SMARCC1: variants seen among roughly 807,000 people sequenced by gnomAD.
The protein encoded by SMARCC1 is SWI/SNF complex subunit SMARCC1.
In SMARCC1, 43 loss-of-function variants were observed where a neutral mutation model predicts 147.4. That is an observed-to-expected ratio of 0.29 (90% confidence interval 0.23 to 0.38). SMARCC1 has a LOEUF of 0.38. Ranked by LOEUF, SMARCC1 falls within the 10% of genes least tolerant of loss-of-function variation. The pLI is 1.00. For missense variants in SMARCC1, 1,119 were observed against 1,381.1 expected (o/e 0.81, Z 3.01); for synonymous variants, 495 against 484.4 (o/e 1.02, Z -0.29).
At chr3:47,762,016 AG>A (rs1317872794) in intron 2 of SMARCC1, among the ~76,000 whole-genome samples, 2 of 152,154 alleles carry the variant, frequency 1.3e-5, no homozygotes, top group African/African-American at 4.8e-5. Flanking sequence ...TCCTGATTTC[AG>A]GTAATCCGCC....
intron 21 of SMARCC1, among the ~76,000 whole-genome samples, chr3:47,656,088 G>A (rs889284965): frequency 2.6e-5 from 4 of 152,070 alleles, no homozygotes; most frequent in African/African-American, 9.7e-5. Context: ...GTGCGCACCT[G>A]TAGTCCCAGC....
chr3:47,635,414 C>A (rs80159704), intron 23 of SMARCC1, 70 bp from the exon 24 acceptor site: 1 of 930,184 alleles, frequency 1.1e-6, no homozygotes, highest in Admixed American at 2.5e-5. Flanking sequence ...CTTACCTCCA[C>A]CACTATAACA....
At chr3:47,703,798 GTTTTGT>G (rs1029979311) in intron 10 of SMARCC1, among the ~76,000 whole-genome samples, 4 of 151,960 alleles carry the variant, frequency 2.6e-5, no homozygotes, top group African/African-American at 9.7e-5. Flanking sequence ...CGCATGATGA[GTTTTGT>G]TTTTGTTTTT....
intron 2 of SMARCC1, among the ~76,000 whole-genome samples, chr3:47,758,521 G>C (rs987013400): frequency 2.0e-5 from 3 of 151,966 alleles, no homozygotes; most frequent in Non-Finnish European, 4.4e-5. Context: ...ACACAACAGG[G>C]TACCATCTCA....
At chr3:47,602,736 T>A (rs1336801918) in intron 26 of SMARCC1, among the ~76,000 whole-genome samples, 1 of 152,260 alleles carries the variant, frequency 6.6e-6, no homozygotes, top group Non-Finnish European at 1.5e-5. Context: ...AATATTTAAA[T>A]CAAACATGTT....
chr3:47,676,550 A>C, intron 17 of SMARCC1, 79 bp downstream of exon 17: 1 of 1,013,428 alleles, frequency 9.9e-7, no homozygotes, highest in African/African-American at 1.6e-5. Context: ...TAGTATAATA[A>C]TAATTGTTTC....
At chr3:47,613,446 G>A (rs764695437) in intron 25 of SMARCC1, among the ~76,000 whole-genome samples, 60 of 149,532 alleles carry the variant, frequency 4.0e-4, no homozygotes, top group Middle Eastern at 3.5e-3. Context: ...TGCAGTGGTC[G>A]CCTTCCGGGT....
intron 7 of SMARCC1, among the ~76,000 whole-genome samples, chr3:47,716,494 A>G (rs2034158749): frequency 6.6e-6 from 1 of 151,236 alleles, no homozygotes; most frequent in South Asian, 2.1e-4. Context: ...GGGAGAAGTG[A>G]GGGCACAGGC....
At chr3:47,700,054 TAAAAA>T (rs1171077561) in intron 11 of SMARCC1, among the ~76,000 whole-genome samples, 1 of 151,900 alleles carries the variant, frequency 6.6e-6, no homozygotes, top group African/African-American at 2.4e-5. Flanking sequence ...AATAGTAAAA[TAAAAA>T]AGAGATATAA....
intron 2 of SMARCC1, among the ~76,000 whole-genome samples, chr3:47,752,602 A>C (rs1346036194): frequency 1.3e-5 from 2 of 152,132 alleles, no homozygotes; most frequent in African/African-American, 2.4e-5. Flanking sequence ...CCTGAGCAAC[A>C]TAACAGAGCG....
Position 47,781,850 on chromosome 3 carries a change from T to C in SMARCC1, c.-53A>G. 3 of 1,185,980 alleles carry C rather than the reference T, an allele frequency of 2.5e-6. No individual in the cohort carries two copies. The highest frequency in any genetic ancestry group is 2.1e-6 in the Non-Finnish European group (2 of 933,084). 73.5% of individuals were successfully genotyped at this position (1,185,980 alleles called of 1,614,324 possible). ...GGCCCACCCCGGCCCTCGCGGTGTT[T>C]CCCGGTCGTTCCCGCGCGCACCCCC... On this transcript the variant is annotated 5_prime_UTR_variant, in exon 1 of 28. Transcript: ENST00000254480.
At chr3:47,632,391 G>A (rs2032904645) in intron 24 of SMARCC1, among the ~76,000 whole-genome samples, 1 of 152,092 alleles carries the variant, frequency 6.6e-6, no homozygotes, top group Non-Finnish European at 1.5e-5. Context: ...TCCTGCCTTG[G>A]CCTCCTAAAG....
rs1333566706 is a variant in SMARCC1 at position 47,689,405 on chromosome 3, T to G, written c.1245A>C (p.Thr415=). The G allele has an allele frequency of 6.2e-7, 1 of 1,613,262 alleles. No homozygotes were observed. Among genetic ancestry groups the G allele is most frequent in the Non-Finnish European group, 8.5e-7 (1 of 1,179,358 alleles). Residue 415 remains threonine (T), a synonymous_variant, in exon 13 of 28, where the codon ACA becomes ACC. Transcript: ENST00000254480. ...VADLDEQDEE[T]VTAGGKEDED... ...TTGTTACCTTTCCTCCTGCTGTGACTGTTTCTTCATCCTGCTCATCTGCAA... is the reference window on the plus strand; with the variant it reads ...TTGTTACCTTTCCTCCTGCTGTGACGGTTTCTTCATCCTGCTCATCTGCAA...
At chr3:47,645,655 G>A (rs766634434) in intron 21 of SMARCC1, among the ~76,000 whole-genome samples, 9 of 152,208 alleles carry the variant, frequency 5.9e-5, no homozygotes, top group Non-Finnish European at 1.0e-4. Context: ...AGGTCACCTT[G>A]ACTGAGTTGG....
At chr3:47,738,378 T>C (rs2034470082) in intron 3 of SMARCC1, among the ~76,000 whole-genome samples, 1 of 152,164 alleles carries the variant, frequency 6.6e-6, no homozygotes, top group South Asian at 2.1e-4. Flanking sequence ...ATCTTACATC[T>C]TATAGAAAAG....
intron 11 of SMARCC1, among the ~76,000 whole-genome samples, 155 bp downstream of exon 11, chr3:47,701,123 T>A (rs2033912038): frequency 6.6e-6 from 1 of 152,098 alleles, no homozygotes; most frequent in South Asian, 2.1e-4. Context: ...ACTCAAATGA[T>A]TAAAGAAAAT....
intron 16 of SMARCC1, 120 bp downstream of exon 16, chr3:47,678,078 C>T: frequency 2.1e-6 from 1 of 473,290 alleles, no homozygotes; most frequent in Non-Finnish European, 3.9e-6. Flanking sequence ...CCCTAAATGG[C>T]ATAACTAAAA....
intron 5 of SMARCC1, among the ~76,000 whole-genome samples, chr3:47,733,541 G>C (rs2034401810): frequency 6.6e-6 from 1 of 151,994 alleles, no homozygotes; most frequent in Admixed American, 6.6e-5. Context: ...AGGAATTCGA[G>C]ACCAGCCTTT....
intron 26 of SMARCC1, among the ~76,000 whole-genome samples, chr3:47,598,912 A>G (rs530806793): frequency 2.0e-5 from 3 of 151,148 alleles, no homozygotes; most frequent in Admixed American, 6.6e-5. Flanking sequence ...GAGAGAGAAG[A>G]AGGTGATGTA....
Sources: gnomAD v4.1 joint callset for allele counts (sites outside exome capture counted in the v4.1 genomes callset) on GRCh38, gnomAD v4.1.1 for gene constraint, MANE v1.5 for transcripts, NCBI Gene and HGNC (gene_info 2026-07-23, HGNC 2026-07-21) for gene names.